The following WWOX variants were observed in gnomAD, a reference collection of about 807,000 sequenced individuals.
WWOX encodes the protein WW domain-containing oxidoreductase.
Under a neutral mutation model 46.2 loss-of-function variants are expected in WWOX, and 69 were observed. The ratio of observed to expected loss-of-function variants is 1.49; its 90% CI spans 1.23 to 1.82. WWOX has a LOEUF of 1.82. Ranked by LOEUF, WWOX falls within the 40% of genes most tolerant of loss-of-function variation. The probability of loss-of-function intolerance (pLI) is 0.00; values close to 1 mark genes in which losing one functional copy is unlikely to be tolerated. For synonymous variants in WWOX, 359 were observed against 202.6 expected (o/e 1.77, Z -6.56); for missense variants, 919 against 542.6 (o/e 1.69, Z -6.89).
At chr16:78,159,672 GTTTTTTTTTTTT>G (rs35468343) in intron 4 of WWOX, among the ~76,000 whole-genome samples, 5 of 55,384 alleles carry the variant, frequency 9.0e-5, no homozygotes, top group East Asian at 8.5e-4. Context: ...AAAATCTGTG[GTTTTTTTTTTTT>G]TTTTTTTTTT....
At chr16:78,731,830 A>G (rs1468675927) in intron 8 of WWOX, among the ~76,000 whole-genome samples, 4 of 139,934 alleles carry the variant, frequency 2.9e-5, no homozygotes, top group Admixed American at 7.1e-5. Context: ...CCCAATGCCA[A>G]TTTTTTTTCT....
In WWOX at chr16:78,356,165, C is replaced by T. The variant is rs182601295; in HGVS notation, c.517-30695C>T. Reference sequence around the variant, plus strand: ...TCATGCCACTGCACTCCAGCTTGGGCGACAGAGCGAGACTCTGTCTCAAAA... The same window carrying T: ...TCATGCCACTGCACTCCAGCTTGGGTGACAGAGCGAGACTCTGTCTCAAAA... On this transcript the variant is annotated intron_variant, in intron 5 of 8. Transcript: ENST00000566780. Among the ~76,000 whole-genome samples, 7 of 144,754 alleles carry T rather than the reference C, an allele frequency of 4.8e-5. No homozygotes were observed. In the East Asian group the frequency reaches 8.0e-4, roughly 17 times the overall value. 95.0% of individuals were successfully genotyped at this position (144,754 alleles called of 152,430 possible). A position where few individuals can be genotyped will look rare whatever the true frequency, so the allele number is the denominator to read the frequency against.
At chr16:79,078,344 G>T (rs889888349) in intron 8 of WWOX, 1 of 152,168 alleles carries the variant, frequency 6.6e-6, no homozygotes, top group Non-Finnish European at 1.5e-5. Flanking sequence ...TGCAAGGCAG[G>T]CATCACAGGG....
chr16:79,007,657 T>C (rs933243555), intron 8 of WWOX, among the ~76,000 whole-genome samples: 2 of 152,204 alleles, frequency 1.3e-5, no homozygotes, highest in Admixed American at 6.5e-5. Flanking sequence ...TGCAGAGTTA[T>C]AAGGAAAGCA....
chr16:78,482,503 G>A (rs977677645), intron 8 of WWOX, among the ~76,000 whole-genome samples: 5 of 152,126 alleles, frequency 3.3e-5, no homozygotes, highest in African/African-American at 4.8e-5. Flanking sequence ...GATGACAGGC[G>A]TGAGCTGCCT....
At chr16:79,043,213 C>G (rs773363422) in intron 8 of WWOX, among the ~76,000 whole-genome samples, 2 of 151,874 alleles carry the variant, frequency 1.3e-5, no homozygotes, top group Non-Finnish European at 2.9e-5. Flanking sequence ...AAAAAAAAAT[C>G]TATGTATAAC....
chr16:79,072,425 C>G, intron 8 of WWOX, among the ~76,000 whole-genome samples: 1 of 152,184 alleles, frequency 6.6e-6, no homozygotes, highest in East Asian at 1.9e-4. Flanking sequence ...CATGAGTGTT[C>G]ACCTTGGTGT....
chr16:78,151,078 T>C (rs190105970), intron 4 of WWOX, among the ~76,000 whole-genome samples: 357 of 151,094 alleles, frequency 2.4e-3, no homozygotes, highest in African/African-American at 8.0e-3. Flanking sequence ...GATCTCACTG[T>C]GTTGTCCAGG....
intron 8 of WWOX, among the ~76,000 whole-genome samples, chr16:78,766,813 A>G (rs140067800): frequency 8.2e-4 from 125 of 152,316 alleles, no homozygotes; most frequent in Middle Eastern, 3.4e-3. Flanking sequence ...CTTAGTATTT[A>G]TCATTTTAAT....
intron 6 of WWOX, among the ~76,000 whole-genome samples, chr16:78,395,929 G>C (rs370747971): frequency 6.6e-6 from 1 of 152,070 alleles, no homozygotes; most frequent in African/African-American, 2.4e-5. Flanking sequence ...ATCTTTTTCA[G>C]ATGAGTTGCC....
At chr16:78,902,597 C>G (rs954862242) in intron 8 of WWOX, among the ~76,000 whole-genome samples, 6 of 152,352 alleles carry the variant, frequency 3.9e-5, no homozygotes, top group Admixed American at 3.9e-4. Context: ...ACACCAGCTT[C>G]CCAGTTTTCT....
chr16:78,386,717 A>T, intron 5 of WWOX, 143 bp from the exon 6 acceptor site: 1 of 651,728 alleles, frequency 1.5e-6, no homozygotes, highest in South Asian at 1.6e-5. Context: ...TCTTCCATTC[A>T]TTCCGATGAT....
intron 8 of WWOX, among the ~76,000 whole-genome samples, chr16:79,051,683 C>T (rs961705930): frequency 6.6e-6 from 1 of 152,230 alleles, no homozygotes; most frequent in African/African-American, 2.4e-5. Flanking sequence ...CACTGTTTCA[C>T]TTCTCTACAA....
At chr16:79,155,048 C>G (rs1247964288) in intron 8 of WWOX, among the ~76,000 whole-genome samples, 1 of 152,190 alleles carries the variant, frequency 6.6e-6, no homozygotes, top group African/African-American at 2.4e-5. Flanking sequence ...GTTCTAGATT[C>G]TTCTAGATTC....
chr16:78,236,967 A>C (rs2037461172), intron 5 of WWOX, among the ~76,000 whole-genome samples: 1 of 150,882 alleles, frequency 6.6e-6, no homozygotes, highest in Non-Finnish European at 1.5e-5. Context: ...CCAGCTACTC[A>C]GGAGGCTGAG....
chr16:78,812,612 G>A (rs1217542740), intron 8 of WWOX, among the ~76,000 whole-genome samples: 1 of 151,924 alleles, frequency 6.6e-6, no homozygotes, highest in Non-Finnish European at 1.5e-5. Flanking sequence ...TGTAATCCCA[G>A]CTGCTCGGGA....
At chr16:78,884,402 C>G (rs150894057) in intron 8 of WWOX, among the ~76,000 whole-genome samples, 182 of 151,538 alleles carry the variant, frequency 1.2e-3, no homozygotes, top group Non-Finnish European at 2.1e-3. Context: ...CACACTGAAT[C>G]ATTATTCATG....
At chr16:78,355,457 C>T in intron 5 of WWOX, 4 of 322,142 alleles carry the variant, frequency 1.2e-5, no homozygotes, top group Non-Finnish European at 2.4e-5. Flanking sequence ...AAAAAATTAG[C>T]CTGGCGTGGT....
intron 5 of WWOX, among the ~76,000 whole-genome samples, chr16:78,205,510 CATCCACTCATCT>C (rs1461676147): frequency 6.6e-6 from 1 of 151,920 alleles, no homozygotes; most frequent in African/African-American, 2.4e-5. Flanking sequence ...CATCCCCATC[CATCCACTCATCT>C]ATCCACCCAT....
Sources: allele counts gnomAD v4.1 joint callset (sites outside exome capture counted in the v4.1 genomes callset), GRCh38; gene constraint gnomAD v4.1.1; transcripts MANE v1.5; gene names NCBI Gene and HGNC (gene_info 2026-07-23, HGNC 2026-07-21).